RIPK1: variants seen among roughly 807,000 people sequenced by gnomAD.
RIPK1 encodes receptor interacting serine/threonine kinase 1.
RIPK1 carries 27 observed loss-of-function variants against 62.4 expected under a neutral mutation model. The ratio of observed to expected loss-of-function variants is 0.43; its 90% CI spans 0.32 to 0.60. The LOEUF (loss-of-function observed/expected upper bound fraction) is 0.60, where lower values mean the gene tolerates loss of function less well. RIPK1 is among the 20% of genes least tolerant of loss of function. The pLI, the probability that RIPK1 is intolerant of heterozygous loss-of-function variation, is 0.07. For missense variants in RIPK1, 735 were observed against 831.0 expected (o/e 0.88, Z 1.42); for synonymous variants, 287 against 303.2 (o/e 0.95, Z 0.55).
intron 3 of RIPK1, among the ~76,000 whole-genome samples, chr6:3,079,994 CAGAA>C (rs1371550000): frequency 6.6e-6 from 1 of 152,132 alleles, no homozygotes; most frequent in African/African-American, 2.4e-5. Context: ...GAGAGAGAAG[CAGAA>C]AGAGAGGAGA....
intron 7 of RIPK1, among the ~76,000 whole-genome samples, chr6:3,096,064 T>C (rs1760275568): frequency 2.0e-5 from 3 of 152,182 alleles, no homozygotes; most frequent in Admixed American, 1.3e-4. Context: ...CTCAAACTCA[T>C]GAGCTCAAGC....
chr6:3,080,180 A>G (rs1016413378), intron 3 of RIPK1, among the ~76,000 whole-genome samples: 2 of 152,232 alleles, frequency 1.3e-5, no homozygotes, highest in Non-Finnish European at 2.9e-5. Context: ...TCTCACTTCT[A>G]TCATTAAAAT....
At chr6:3,088,222 G>A (rs1283131122) in intron 6 of RIPK1, among the ~76,000 whole-genome samples, 3 of 152,210 alleles carry the variant, frequency 2.0e-5, no homozygotes, top group Non-Finnish European at 4.4e-5. Context: ...GTGCTGGGTA[G>A]AGGTAGAAGT....
At chr6:3,067,801 G>A (rs1465471969), upstream of RIPK1, among the ~76,000 whole-genome samples, 1 of 151,548 alleles carries the variant, frequency 6.6e-6, no homozygotes, top group East Asian at 1.9e-4. Flanking sequence ...GGAGTGCAGT[G>A]GCGCGATCTC....
chr6:3,089,707 T>C, intron 7 of RIPK1, 50 bp downstream of exon 7: 1 of 990,370 alleles, frequency 1.0e-6, no homozygotes, highest in Non-Finnish European at 1.6e-6. Context: ...AAATATATAC[T>C]GTCAATCATG....
intron 1 of RIPK1, among the ~76,000 whole-genome samples, chr6:3,074,038 AAT>A (rs780486821): frequency 5.3e-5 from 8 of 152,216 alleles, no homozygotes; most frequent in African/African-American, 7.2e-5. Flanking sequence ...GCTAGAGTTC[AAT>A]ATGTTTACAG....
At chr6:3,066,405 G>A (rs998227618), upstream of RIPK1, among the ~76,000 whole-genome samples, 1 of 152,080 alleles carries the variant, frequency 6.6e-6, no homozygotes, top group African/African-American at 2.4e-5. Flanking sequence ...TTTACTGAAG[G>A]AATGAATTCC....
intron 6 of RIPK1, among the ~76,000 whole-genome samples, chr6:3,087,745 T>C (rs879554064): frequency 2.6e-5 from 4 of 151,828 alleles, no homozygotes; most frequent in African/African-American, 7.3e-5. Flanking sequence ...TTCACCGTGT[T>C]AGCCAGGATG....
At position 3,114,151 on chromosome 6, in the gene RIPK1, C is replaced by T. The variant is rs1761300488; in HGVS notation, c.*812C>T. 1 of 152,206 alleles carries T rather than the reference C, an allele frequency of 6.6e-6. No individual in the cohort carries two copies. Among genetic ancestry groups the T allele is most frequent in the African/African-American group, 2.4e-5 (1 of 41,442 alleles). 9.4% of individuals were successfully genotyped at this position (152,206 alleles called of 1,614,324 possible). ...TGCAAGGAATTGGTACTAACCGTGA[C>T]TACAACAAAAATTCTTGATTGACTT... is the stretch of plus-strand genomic sequence containing the variant. On this transcript the variant is annotated 3_prime_UTR_variant, in exon 11 of 11. Coordinates refer to ENST00000259808, the MANE Select transcript of RIPK1 (RefSeq NM_001354930.2). The surrounding 1 kb of genome is among the most constrained non-coding windows in gnomAD (Gnocchi z 5.0).
chr6:3,064,442 C>T (rs545477550), upstream of RIPK1, among the ~76,000 whole-genome samples: 1 of 152,344 alleles, frequency 6.6e-6, no homozygotes, highest in South Asian at 2.1e-4. Flanking sequence ...AGTCACTAGT[C>T]TCCAGTTCTA....
At chr6:3,068,123 A>G (rs930618513), upstream of RIPK1, 46 of 790,306 alleles carry the variant, frequency 5.8e-5, no homozygotes, top group African/African-American at 5.1e-4. Context: ...AGACTTCACA[A>G]TTACCATTTT....
At chr6:3,068,283 A>G, upstream of RIPK1, 3 of 985,132 alleles carry the variant, frequency 3.0e-6, no homozygotes, top group Non-Finnish European at 3.6e-6. Context: ...TTCCCTCCAG[A>G]CCCTTCTCCC....
upstream of RIPK1, chr6:3,068,444 G>T: frequency 1.0e-6 from 1 of 985,388 alleles, no homozygotes; most frequent in Non-Finnish European, 1.2e-6. Context: ...GCGCTCTCGC[G>T]GTCCTCCTCC....
chr6:3,066,452 G>C (rs1218284263), upstream of RIPK1, among the ~76,000 whole-genome samples: 1 of 152,116 alleles, frequency 6.6e-6, no homozygotes, highest in Non-Finnish European at 1.5e-5. Flanking sequence ...AGATGCTCTT[G>C]TATCTAGTAC....
intron 6 of RIPK1, among the ~76,000 whole-genome samples, chr6:3,086,683 C>T (rs1759710173): frequency 6.6e-6 from 1 of 152,196 alleles, no homozygotes; most frequent in Non-Finnish European, 1.5e-5. Flanking sequence ...TTTCAAGACA[C>T]ACCGCATTCC....
intron 4 of RIPK1, among the ~76,000 whole-genome samples, chr6:3,081,835 G>C (rs1417844372): frequency 8.9e-6 from 1 of 112,930 alleles, no homozygotes; most frequent in Non-Finnish European, 1.7e-5. Context: ...ACTCCAGCCT[G>C]GGCAACAAGA....
At chr6:3,106,618 G>C (rs1162746401) in intron 9 of RIPK1, among the ~76,000 whole-genome samples, 1 of 152,152 alleles carries the variant, frequency 6.6e-6, no homozygotes, top group Non-Finnish European at 1.5e-5. Flanking sequence ...TTAACTACCT[G>C]AACAGCATCT....
intron 2 of RIPK1, among the ~76,000 whole-genome samples, chr6:3,077,489 G>A (rs550312547): frequency 2.0e-4 from 30 of 151,498 alleles, no homozygotes; most frequent in Non-Finnish European, 3.5e-4. Flanking sequence ...TGTCCAGCAC[G>A]GTCTTTTTTC....
chr6:3,073,203 A>T (rs1172359461), intron 1 of RIPK1, among the ~76,000 whole-genome samples: 1 of 143,586 alleles, frequency 7.0e-6, no homozygotes, highest in African/African-American at 2.5e-5. Flanking sequence ...GCATACACAC[A>T]TACAAATATG....
Sources: allele counts gnomAD v4.1 joint callset (sites outside exome capture counted in the v4.1 genomes callset), GRCh38; gene constraint gnomAD v4.1.1; non-coding constraint Gnocchi (gnomAD v3.1); transcripts MANE v1.5; gene names NCBI Gene and HGNC (gene_info 2026-07-23, HGNC 2026-07-21).